OTUD7A: variants seen among roughly 807,000 people sequenced by gnomAD.
OTUD7A encodes the protein OTU domain-containing protein 7A.
In OTUD7A, 12 loss-of-function variants were observed where a neutral mutation model predicts 65.7. The ratio of observed to expected loss-of-function variants is 0.18; its 90% confidence interval spans 0.12 to 0.30. The LOEUF (loss-of-function observed/expected upper bound fraction) is 0.30. Ranked by LOEUF, OTUD7A falls within the 10% of genes least tolerant of loss-of-function variation. The pLI, the probability that OTUD7A is intolerant of heterozygous loss-of-function variation, is 1.00. For synonymous variants in OTUD7A, 641 were observed against 586.3 expected (o/e 1.09, Z -1.35); for missense variants, 1,148 against 1,304.8 (o/e 0.88, Z 1.85).
chr15:31,509,337 G>A (rs1010066431), intron 8 of OTUD7A, among the ~76,000 whole-genome samples: 1 of 151,760 alleles, frequency 6.6e-6, no homozygotes, highest in African/African-American at 2.4e-5. Context: ...GGAGTGCAGT[G>A]GTGCGATCTC....
At chr15:31,644,958 A>G (rs1435097798) in intron 3 of OTUD7A, among the ~76,000 whole-genome samples, 1 of 152,096 alleles carries the variant, frequency 6.6e-6, no homozygotes, top group Non-Finnish European at 1.5e-5. Context: ...CCAGCTGCAC[A>G]CAGCTTCCTC....
intron 1 of OTUD7A, among the ~76,000 whole-genome samples, chr15:31,855,173 A>G (rs1342662674): frequency 1.3e-5 from 2 of 152,242 alleles, no homozygotes; most frequent in Non-Finnish European, 2.9e-5. Context: ...TACTTTACTT[A>G]GTTTAAAAGA....
At chr15:31,569,866 T>A in intron 4 of OTUD7A, 152 bp downstream of exon 4, 1 of 761,874 alleles carries the variant, frequency 1.3e-6, no homozygotes, top group East Asian at 2.7e-5. Context: ...AAAGGACATT[T>A]CGGCATAGTG....
At chr15:31,638,862 C>T (rs1444272969) in intron 3 of OTUD7A, among the ~76,000 whole-genome samples, 6 of 152,080 alleles carry the variant, frequency 3.9e-5, no homozygotes, top group Non-Finnish European at 7.4e-5. Flanking sequence ...AGGCCAGGTG[C>T]GGTCGCTCAC....
chr15:31,568,466 G>A (rs1007598544), intron 4 of OTUD7A, among the ~76,000 whole-genome samples: 1 of 152,328 alleles, frequency 6.6e-6, no homozygotes, highest in African/African-American at 2.4e-5. Context: ...GCTCACAGGT[G>A]GAAGGGACTT....
At chr15:31,609,103 G>C (rs575471562) in intron 3 of OTUD7A, among the ~76,000 whole-genome samples, 1 of 152,320 alleles carries the variant, frequency 6.6e-6, no homozygotes, top group Admixed American at 6.5e-5. Context: ...AGCTCACTGG[G>C]TCCCCAAGCA....
intron 8 of OTUD7A, among the ~76,000 whole-genome samples, chr15:31,507,951 G>C (rs1319528578): frequency 6.6e-6 from 1 of 152,218 alleles, no homozygotes; most frequent in Non-Finnish European, 1.5e-5. Flanking sequence ...ATAACAATAA[G>C]TGTTAGGGGT....
chr15:31,656,172 C>G (rs1417797016), intron 2 of OTUD7A, among the ~76,000 whole-genome samples: 2 of 152,208 alleles, frequency 1.3e-5, no homozygotes, highest in African/African-American at 4.8e-5. Flanking sequence ...TGTACAGCAG[C>G]TTGACCCAGG....
chr15:31,860,622 G>GATAAATATACATATAT lies in OTUD7A; in HGVS notation c.-100+9884_-100+9885insATATATGTATATTTAT, dbSNP rs59869625. 3.6e-3 allele frequency among the ~76,000 whole-genome samples: 97 copies of GATAAATATACATATAT among 26,854 alleles called. 10 individuals are homozygous for GATAAATATACATATAT. Among genetic ancestry groups the GATAAATATACATATAT allele is most frequent in the Middle Eastern group, 0.016 (1 of 62 alleles). 17.6% of individuals were successfully genotyped at this position (26,854 alleles called of 152,430 possible). A position where few individuals can be genotyped will look rare whatever the true frequency, so the allele number is the denominator to read the frequency against. On this transcript the variant is annotated intron_variant, in intron 1 of 12. Transcript: ENST00000307050. ...TATTCTCCTCGACCCCAGAAGTGGA[G>GATAAATATACATATAT]ATATATATATATATATATATATGTA...
In OTUD7A at chr15:31,750,105, A is replaced by T. The variant is rs572421937; in HGVS notation, c.-99-93028T>A. On this transcript the variant is annotated intron_variant, in intron 1 of 12. Transcript: ENST00000307050. ...CATTCCATGCTCATGAATTGGATGA[A>T]TCAATATTGTTAAAATGTTCGACCG... 3.8e-4 allele frequency among the ~76,000 whole-genome samples: 58 copies of T among 152,314 alleles called. 1 individual carries two copies. Among genetic ancestry groups the T allele is most frequent in the African/African-American group, 1.3e-3 (54 of 41,574 alleles).
chr15:31,605,690 T>C (rs1793857961), intron 3 of OTUD7A, among the ~76,000 whole-genome samples: 1 of 152,222 alleles, frequency 6.6e-6, no homozygotes, highest in Non-Finnish European at 1.5e-5. Context: ...CTCATTTTCT[T>C]AAATGGCTTA....
intron 3 of OTUD7A, among the ~76,000 whole-genome samples, chr15:31,593,137 C>T (rs966466165): frequency 1.6e-4 from 25 of 151,684 alleles, no homozygotes; most frequent in African/African-American, 4.9e-4. Context: ...TGCAGCATCC[C>T]TGCAAATACA....
chr15:31,551,307 A>C (rs1180907535), intron 5 of OTUD7A, among the ~76,000 whole-genome samples: 1 of 152,224 alleles, frequency 6.6e-6, no homozygotes, highest in Non-Finnish European at 1.5e-5. Flanking sequence ...GATTGGGAAC[A>C]TGCAAAGTTT....
intron 1 of OTUD7A, among the ~76,000 whole-genome samples, chr15:31,786,476 A>G (rs866607241): frequency 8.5e-5 from 13 of 152,230 alleles, no homozygotes; most frequent in Admixed American, 3.9e-4. Context: ...TCTGTGTGTG[A>G]GACAGGGTGT....
chr15:31,507,312 T>C (rs2041591340), intron 8 of OTUD7A, among the ~76,000 whole-genome samples: 1 of 152,150 alleles, frequency 6.6e-6, no homozygotes, highest in Non-Finnish European at 1.5e-5. Flanking sequence ...GAAGGTTGGG[T>C]AGGTTTTTTA....
chr15:31,821,971 T>C (rs994930671), intron 1 of OTUD7A, among the ~76,000 whole-genome samples: 2 of 152,250 alleles, frequency 1.3e-5, no homozygotes, highest in African/African-American at 4.8e-5. Context: ...CTTTTTATTA[T>C]TGGGTTCTAA....
chr15:31,484,235 A>G lies in OTUD7A; in HGVS notation c.1861T>C (p.Tyr621His). 1.2e-6 allele frequency: 2 copies of G among 1,603,378 alleles called. No homozygotes were observed. The highest frequency in any genetic ancestry group is 1.7e-6 in the Non-Finnish European group (2 of 1,176,634). The change falls in exon 13 of 13, where the codon TAC (tyrosine) becomes CAC (histidine). Residue 621 changes from tyrosine to histidine, a missense_variant. Around this residue, in one of 6 missense-constraint regions of OTUD7A, gnomAD observed 842 missense variants for 769.5 expected, o/e 1.09. Transcript: ENST00000307050. This position sits in a 1 kb window ranked among gnomAD's most constrained non-coding sequence, Gnocchi z 4.5. ...GGGPRGDAWK[Y>H]STDVKLSLNI... is the part of the protein sequence containing the mutation. ...AGGCTCAGCTTCACATCCGTGCTGT[A>G]CTTCCAGGCGTCGCCCCGCGGCCCA...
rs780745733 is a variant in OTUD7A, at chr15:31,807,272, T to C, written c.-100+63235A>G. ...TATGGTTCACACTAGATCTCCCCATTGCTGAGCCCCAAGCTCTTCACTGCC... is the reference window on the plus strand; with the variant it reads ...TATGGTTCACACTAGATCTCCCCATCGCTGAGCCCCAAGCTCTTCACTGCC... On this transcript the variant is annotated intron_variant, in intron 1 of 12. Transcript: ENST00000307050. Among the ~76,000 whole-genome samples, 4 of 152,076 alleles carry C rather than the reference T, an allele frequency of 2.6e-5. No homozygotes were observed. In the South Asian group the frequency reaches 6.2e-4, roughly 24 times the overall value.
chr15:31,746,905 G>T (rs2141379154), intron 1 of OTUD7A, among the ~76,000 whole-genome samples: 2 of 152,324 alleles, frequency 1.3e-5, no homozygotes, highest in Admixed American at 1.3e-4. Context: ...GCTTTCTGGG[G>T]TGAGAGAAAA....
Sources: allele counts gnomAD v4.1 joint callset (sites outside exome capture counted in the v4.1 genomes callset), GRCh38; gene constraint gnomAD v4.1.1; regional missense constraint gnomAD v4.1.1; non-coding constraint Gnocchi (gnomAD v3.1); transcripts MANE v1.5; gene names NCBI Gene and HGNC (gene_info 2026-07-23, HGNC 2026-07-21).